NUP205: variants seen among roughly 807,000 people sequenced by gnomAD.
The protein encoded by NUP205 is nucleoporin 205.
A neutral mutation model predicts 253.8 loss-of-function variants in NUP205; 76 were observed. The ratio of observed to expected loss-of-function variants is 0.30; its 90% CI spans 0.25 to 0.36. The LOEUF (loss-of-function observed/expected upper bound fraction) is 0.36. NUP205 is among the 10% of genes least tolerant of loss of function. The probability of loss-of-function intolerance (pLI) is 1.00; values close to 1 mark genes in which losing one functional copy is unlikely to be tolerated. For missense variants in NUP205, 2,162 were observed against 2,425.5 expected, an observed-to-expected ratio of 0.89 and a Z score of 2.28; for synonymous variants, 832 against 850.1, an observed-to-expected ratio of 0.98 and a Z score of 0.37.
Position 135,606,244 on chromosome 7 carries a change from G to C in NUP205, c.2905+18G>C. The C allele has an allele frequency of 6.9e-7, 1 of 1,446,310 alleles. No individual in the cohort carries two copies. Among genetic ancestry groups the C allele is most frequent in the Non-Finnish European group, 9.7e-7 (1 of 1,029,460 alleles). The allele number at this position is 1,446,310 out of a possible 1,614,324, so 89.6% of individuals were successfully genotyped here. A position where few individuals can be genotyped will look rare whatever the true frequency, so the allele number is the denominator to read the frequency against. ...GGAAGAGGGTATGCCTTAGATTAAT[G>C]TGCATACACGCATTCTTTTACTTTT... On this transcript the variant is annotated intron_variant, in intron 20 of 42. Transcript: ENST00000285968.
At chr7:135,606,994 A>T in intron 21 of NUP205, 79 bp downstream of exon 21, 2 of 1,397,892 alleles carry the variant, frequency 1.4e-6, no homozygotes, top group Non-Finnish European at 2.0e-6. Flanking sequence ...TTCTGGGCTC[A>T]TGGGATAATT....
chr7:135,617,532 A>T, intron 26 of NUP205, 70 bp from the exon 27 acceptor site: 1 of 1,153,964 alleles, frequency 8.7e-7, no homozygotes, highest in Non-Finnish European at 1.3e-6. Flanking sequence ...AGTTTATGGT[A>T]ATTGCTAGGT....
At chr7:135,631,842 C>T (rs1206487105) in intron 35 of NUP205, among the ~76,000 whole-genome samples, 1 of 151,852 alleles carries the variant, frequency 6.6e-6, no homozygotes, top group East Asian at 1.9e-4. Flanking sequence ...CTCCGCCTCC[C>T]CGATTCACGC....
Position 135,625,249 on chromosome 7 carries a change from T to G in NUP205, c.4565T>G (p.Leu1522Trp). 6.2e-7 allele frequency: 1 copy of G among 1,614,164 alleles called. No individual in the cohort carries two copies. Among genetic ancestry groups the G allele is most frequent in the South Asian group, 1.1e-5 (1 of 91,076 alleles). ...WLLYLSNSGY[L>W]KVLVDSLVED... ...TTGTATCTTTCTAACAGTGGCTACTTGAAGGTCCTCGTAGACAGCTTGGTA... is the reference window on the plus strand; with the variant it reads ...TTGTATCTTTCTAACAGTGGCTACTGGAAGGTCCTCGTAGACAGCTTGGTA... The change falls in exon 32 of 43, where the codon TTG becomes TGG. Residue 1522 changes from leucine to tryptophan, a missense_variant. Leu to Trp is a moderately conservative substitution (Grantham distance 61). Coordinates refer to ENST00000285968, the MANE Select transcript of NUP205 (RefSeq NM_015135.3).
chr7:135,579,520 T>C (rs770977848), intron 7 of NUP205, among the ~76,000 whole-genome samples: 2 of 152,154 alleles, frequency 1.3e-5, no homozygotes, highest in Non-Finnish European at 1.5e-5. Context: ...AATTAAAATA[T>C]ACTATTCCTT....
chr7:135,647,186 G>A (rs1372057380), intron 42 of NUP205, among the ~76,000 whole-genome samples: 1 of 152,248 alleles, frequency 6.6e-6, no homozygotes, highest in Non-Finnish European at 1.5e-5. Flanking sequence ...CAGGGTGTGT[G>A]ATGTTAGGGA....
intron 2 of NUP205, among the ~76,000 whole-genome samples, 182 bp downstream of exon 2, chr7:135,571,429 CAG>C (rs1805996267): frequency 6.7e-6 from 1 of 148,502 alleles, no homozygotes; most frequent in Admixed American, 6.8e-5. Context: ...AAAAAAAAGA[CAG>C]GGTCTAACTT....
At chr7:135,563,466 G>A (rs1805652221) in intron 1 of NUP205, among the ~76,000 whole-genome samples, 1 of 152,198 alleles carries the variant, frequency 6.6e-6, no homozygotes, top group East Asian at 1.9e-4. Context: ...GGGATTACAG[G>A]CGTGAGCCAC....
chr7:135,558,737 A>C (rs1251319583), intron 1 of NUP205, among the ~76,000 whole-genome samples: 1 of 152,208 alleles, frequency 6.6e-6, no homozygotes. Flanking sequence ...AAGGATGCAG[A>C]AAGTCCTTCA....
At chr7:135,638,131 C>A in intron 37 of NUP205, 72 bp downstream of exon 37, 1 of 1,510,874 alleles carries the variant, frequency 6.6e-7, no homozygotes, top group Non-Finnish European at 9.0e-7. Context: ...AGATGTGGAC[C>A]TGGTGCGGTG....
At chr7:135,646,751 A>G (rs1483030985) in intron 42 of NUP205, among the ~76,000 whole-genome samples, 9 of 152,224 alleles carry the variant, frequency 5.9e-5, no homozygotes, top group Non-Finnish European at 1.3e-4. Flanking sequence ...TGAACAACTT[A>G]CTTAACTTCC....
At chr7:135,610,392 GTATTTT>G (rs1794198014) in intron 22 of NUP205, among the ~76,000 whole-genome samples, 1 of 152,134 alleles carries the variant, frequency 6.6e-6, no homozygotes, top group Non-Finnish European at 1.5e-5. Context: ...GGCTAATTTT[GTATTTT>G]TAGTAGAGAG....
At chr7:135,633,943 T>C (rs1458142051) in intron 35 of NUP205, among the ~76,000 whole-genome samples, 1 of 152,232 alleles carries the variant, frequency 6.6e-6, no homozygotes, top group Non-Finnish European at 1.5e-5. Flanking sequence ...TGCTATAATT[T>C]ATGCACATTT....
chr7:135,619,997 A>C (rs12533054), intron 30 of NUP205, 109 bp downstream of exon 30: 24,553 of 717,118 alleles, frequency 0.034, 528 homozygotes, highest in Middle Eastern at 0.081. Context: ...GTAAAAAATG[A>C]GTGTTAGTGT....
chr7:135,598,289 GT>G, intron 15 of NUP205, 82 bp downstream of exon 15: 1 of 1,226,298 alleles, frequency 8.2e-7, no homozygotes, highest in Non-Finnish European at 1.2e-6. Flanking sequence ...CTAAATTCAT[GT>G]TAGCTTTTGA....
At chr7:135,641,016 G>A (rs2129492544) in intron 38 of NUP205, among the ~76,000 whole-genome samples, 1 of 151,978 alleles carries the variant, frequency 6.6e-6, no homozygotes, top group East Asian at 1.9e-4. Flanking sequence ...AGTGAGCCAA[G>A]ATCATGCCTC....
At chr7:135,563,388 T>C (rs570149152) in intron 1 of NUP205, among the ~76,000 whole-genome samples, 86 of 151,856 alleles carry the variant, frequency 5.7e-4, no homozygotes, top group Non-Finnish European at 1.1e-3. Flanking sequence ...GGGGTTTCGC[T>C]GTGTTGGCCA....
intron 1 of NUP205, among the ~76,000 whole-genome samples, chr7:135,558,441 G>A (rs1805493349): frequency 6.6e-6 from 1 of 152,192 alleles, no homozygotes; most frequent in African/African-American, 2.4e-5. Context: ...TATGAAGTCG[G>A]CCATCTGAAA....
intron 35 of NUP205, 89 bp downstream of exon 35, chr7:135,630,559 A>G: frequency 8.4e-7 from 1 of 1,197,088 alleles, no homozygotes; most frequent in Non-Finnish European, 1.1e-6. Flanking sequence ...CTTTGCAGCT[A>G]TATATGACTT....
Sources: gnomAD v4.1 joint callset for allele counts (sites outside exome capture counted in the v4.1 genomes callset) on GRCh38, gnomAD v4.1.1 for gene constraint, MANE v1.5 for transcripts, NCBI Gene and HGNC (gene_info 2026-07-23, HGNC 2026-07-21) for gene names.